Variants in FTO observed in about 807,000 individuals in gnomAD.
FTO encodes alpha-ketoglutarate-dependent dioxygenase FTO.
Under a neutral mutation model 63.9 loss-of-function variants are expected in FTO, and 47 were observed. The observed-to-expected ratio is 0.74, with a 90% CI of 0.58 to 0.94. The LOEUF (loss-of-function observed/expected upper bound fraction) is 0.94, where lower values mean the gene tolerates loss of function less well. Ranked by LOEUF, FTO falls within the 40% of genes least tolerant of loss-of-function variation. FTO has a pLI of 0.00. For missense variants in FTO, 562 were observed against 618.1 expected (o/e 0.91, Z 0.96); for synonymous variants, 207 against 224.4 (o/e 0.92, Z 0.69).
intron 3 of FTO, among the ~76,000 whole-genome samples, chr16:53,831,465 A>G (rs372497240): frequency 2.6e-5 from 4 of 152,284 alleles, no homozygotes; most frequent in East Asian, 3.9e-4. Flanking sequence ...AAGGGGGGGA[A>G]AAAACTTATT....
chr16:54,106,075 A>G (rs1037814379), intron 8 of FTO, among the ~76,000 whole-genome samples: 1 of 152,172 alleles, frequency 6.6e-6, no homozygotes, highest in Non-Finnish European at 1.5e-5. Context: ...TTATCCTTTG[A>G]CTTTTGCATT....
chr16:53,732,079 C>T (rs1446888602), intron 1 of FTO, among the ~76,000 whole-genome samples: 1 of 131,558 alleles, frequency 7.6e-6, no homozygotes, highest in African/African-American at 2.9e-5. Context: ...GACGGAGTCT[C>T]GCTCTGTCGC....
chr16:53,738,852 T>G lies in FTO; in HGVS notation c.45+34623T>G, dbSNP rs145750051. Among the ~76,000 whole-genome samples the G allele has an allele frequency of 4.3e-3, 653 of 152,282 alleles. 4 individuals are homozygous for G. Among genetic ancestry groups the G allele is most frequent in the African/African-American group, 0.015 (629 of 41,558 alleles). On this transcript the variant is annotated intron_variant, in intron 1 of 8. Transcript: ENST00000471389. The stretch of plus-strand genomic sequence containing the variant: ...GTTATTGCCTATTTAAAAAAAATTT[T>G]TTTTTTGAGATAGGGTCTCACTCTG...
chr16:54,086,511 C>G (rs1250362970), intron 8 of FTO, among the ~76,000 whole-genome samples: 1 of 152,142 alleles, frequency 6.6e-6, no homozygotes, highest in African/African-American at 2.4e-5. Flanking sequence ...ATGATCAACT[C>G]TATTACACCA....
chr16:53,903,966 A>G (rs943956530), intron 7 of FTO, among the ~76,000 whole-genome samples: 4 of 151,880 alleles, frequency 2.6e-5, no homozygotes, highest in Admixed American at 2.0e-4. Context: ...TAGAGTTTAT[A>G]TACATATATA....
rs562430795 is a variant in FTO at position 53,861,708 on chromosome 16, T to A, written c.896-12078T>A. ...GTTGCATTAAATTAAATAACAATAT[T>A]TGAAATTATTTAACTGCGTTTATGC... On this transcript the variant is annotated intron_variant, in intron 4 of 8. Transcript: ENST00000471389. Among the ~76,000 whole-genome samples, 11 of 152,318 alleles carry A rather than the reference T, an allele frequency of 7.2e-5. No homozygotes were observed. The East Asian group carries it at 2.1e-3, about 29-fold the overall frequency.
intron 1 of FTO, among the ~76,000 whole-genome samples, chr16:53,755,518 G>A (rs908362703): frequency 1.3e-5 from 2 of 152,180 alleles, no homozygotes; most frequent in Admixed American, 6.5e-5. Context: ...GCACTTGGAA[G>A]TTTCTTATTT....
intron 1 of FTO, among the ~76,000 whole-genome samples, chr16:53,795,677 T>C (rs2078045973): frequency 6.6e-6 from 1 of 152,152 alleles, no homozygotes. Flanking sequence ...TTTAGATATA[T>C]TGAGTAGTAT....
At position 53,737,945 on chromosome 16, in the gene FTO, G is replaced by A. The variant is rs190759337; in HGVS notation, c.45+33716G>A. On this transcript the variant is annotated intron_variant, in intron 1 of 8. Coordinates refer to ENST00000471389, the MANE Select transcript of FTO (RefSeq NM_001080432.3). ...TTCATCTATGTTGTAGAATGTATAA[G>A]TTCTTTCTTTCTTTTTTTTCTTTTT... 2.2e-3 allele frequency among the ~76,000 whole-genome samples: 334 copies of A among 151,390 alleles called. 1 individual carries two copies. Among genetic ancestry groups the A allele is most frequent in the Non-Finnish European group, 3.8e-3 (261 of 67,880 alleles).
chr16:53,976,250 A>G (rs1458623129), intron 8 of FTO, among the ~76,000 whole-genome samples: 2 of 152,134 alleles, frequency 1.3e-5, no homozygotes, highest in Admixed American at 1.3e-4. Context: ...TGATGCTTTC[A>G]TAGTTTTGTT....
At chr16:53,731,585 T>G (rs549244409) in intron 1 of FTO, among the ~76,000 whole-genome samples, 162 of 152,292 alleles carry the variant, frequency 1.1e-3, no homozygotes, top group Non-Finnish European at 4.0e-4. Flanking sequence ...TTAAATTTTT[T>G]GACATGGAGT....
intron 1 of FTO, among the ~76,000 whole-genome samples, chr16:53,806,332 A>G (rs1273984247): frequency 6.6e-6 from 1 of 152,226 alleles, no homozygotes; most frequent in African/African-American, 2.4e-5. Context: ...ACATAGTGCA[A>G]AAATCAAAAC....
intron 8 of FTO, among the ~76,000 whole-genome samples, chr16:54,076,479 A>G (rs2085995811): frequency 6.6e-6 from 1 of 152,206 alleles, no homozygotes; most frequent in South Asian, 2.1e-4. Context: ...AATCATTTGA[A>G]TGCTGTTCTT....
chr16:54,023,460 C>T (rs968449504), intron 8 of FTO, among the ~76,000 whole-genome samples: 2 of 152,212 alleles, frequency 1.3e-5, no homozygotes, highest in Admixed American at 6.5e-5. Flanking sequence ...TATTTTGCTG[C>T]TCTTCTACCA....
chr16:53,784,770 GA>G (rs1268527638), intron 1 of FTO, among the ~76,000 whole-genome samples: 2 of 151,834 alleles, frequency 1.3e-5, no homozygotes, highest in Non-Finnish European at 2.9e-5. Context: ...CCAAACTAAA[GA>G]AAAAAAATTG....
At chr16:53,811,969 C>T (rs540457134) in intron 2 of FTO, among the ~76,000 whole-genome samples, 41 of 152,152 alleles carry the variant, frequency 2.7e-4, no homozygotes, top group Admixed American at 4.6e-4. Context: ...TGTGCCACCA[C>T]GCCTGGCTAA....
At chr16:54,094,296 G>A (rs1265144010) in intron 8 of FTO, among the ~76,000 whole-genome samples, 2 of 152,176 alleles carry the variant, frequency 1.3e-5, no homozygotes, top group Admixed American at 6.5e-5. Context: ...GGTCTCTTTG[G>A]CAACTCATCC....
intron 1 of FTO, among the ~76,000 whole-genome samples, chr16:53,806,479 G>A (rs1410132093): frequency 2.0e-5 from 3 of 152,154 alleles, no homozygotes; most frequent in Non-Finnish European, 2.9e-5. Context: ...TACAAGCAGA[G>A]TTTTGTGCCT....
intron 1 of FTO, among the ~76,000 whole-genome samples, chr16:53,785,813 G>C (rs1356813876): frequency 6.6e-6 from 1 of 151,898 alleles, no homozygotes; most frequent in Non-Finnish European, 1.5e-5. Flanking sequence ...GGGAGGCTGA[G>C]GCAGGAGAAT....
Sources: gnomAD v4.1 joint callset for allele counts (sites outside exome capture counted in the v4.1 genomes callset) on GRCh38, gnomAD v4.1.1 for gene constraint, MANE v1.5 for transcripts, NCBI Gene and HGNC (gene_info 2026-07-23, HGNC 2026-07-21) for gene names.